The following EYS variants were observed in gnomAD, a reference collection of about 807,000 sequenced individuals.
EYS encodes protein eyes shut homolog.
A neutral mutation model predicts 282.1 loss-of-function variants in EYS; 250 were observed. The observed-to-expected ratio is 0.89, with a 90% CI of 0.80 to 0.98. The LOEUF is 0.98. EYS is among the 50% of genes least tolerant of loss of function. The probability of loss-of-function intolerance (pLI) is 0.00; values close to 1 mark genes in which losing one functional copy is unlikely to be tolerated. For synonymous variants in EYS, 1,355 were observed against 1,282.9 expected (o/e 1.06, Z -1.20); for missense variants, 4,016 against 3,709.0 (o/e 1.08, Z -2.15).
At chr6:64,300,098 G>A (rs530278130) in intron 30 of EYS, among the ~76,000 whole-genome samples, 1 of 152,300 alleles carries the variant, frequency 6.6e-6, no homozygotes, top group African/African-American at 2.4e-5. Context: ...GGAGTTCTTA[G>A]CCTACCTGGT....
At chr6:64,168,832 C>T (rs936973412) in intron 31 of EYS, among the ~76,000 whole-genome samples, 1 of 152,000 alleles carries the variant, frequency 6.6e-6, no homozygotes. Flanking sequence ...GTGATATTTG[C>T]ACAAGGCAGT....
At chr6:65,615,405 T>C (rs1324890287) in intron 2 of EYS, among the ~76,000 whole-genome samples, 1 of 149,384 alleles carries the variant, frequency 6.7e-6, no homozygotes, top group African/African-American at 2.4e-5. Context: ...TATATATGTG[T>C]GTGTATATAT....
intron 22 of EYS, among the ~76,000 whole-genome samples, chr6:64,657,401 T>C (rs7453363): frequency 0.59 from 89,834 of 151,990 alleles, 26,743 homozygotes; most frequent in South Asian, 0.66. Flanking sequence ...GTCATTATGA[T>C]GTTAGCTGGT....
intron 14 of EYS, among the ~76,000 whole-genome samples, chr6:64,976,377 A>T (rs1770475403): frequency 6.6e-6 from 1 of 151,964 alleles, no homozygotes; most frequent in Non-Finnish European, 1.5e-5. Flanking sequence ...CTATTAAAAA[A>T]AAAAACATGA....
At chr6:64,713,783 C>A (rs1354296478) in intron 22 of EYS, among the ~76,000 whole-genome samples, 1 of 152,064 alleles carries the variant, frequency 6.6e-6, no homozygotes, top group Non-Finnish European at 1.5e-5. Context: ...ATAATGTTTT[C>A]TGTGAAATTT....
chr6:65,313,616 A>G (rs1393456610), intron 11 of EYS, among the ~76,000 whole-genome samples: 4 of 151,518 alleles, frequency 2.6e-5, no homozygotes, highest in Admixed American at 2.0e-4. Flanking sequence ...CAAACTACCT[A>G]AATAACAGTC....
chr6:65,441,514 A>G (rs1470863180), intron 5 of EYS, among the ~76,000 whole-genome samples: 1 of 152,030 alleles, frequency 6.6e-6, no homozygotes, highest in East Asian at 1.9e-4. Context: ...AATTCACTAA[A>G]CAGTTAGGTC....
At chr6:65,155,549 A>G (rs1311981252) in intron 12 of EYS, among the ~76,000 whole-genome samples, 1 of 151,530 alleles carries the variant, frequency 6.6e-6, no homozygotes, top group African/African-American at 2.4e-5. Context: ...TGAAATGTAT[A>G]GATTCATTTT....
At chr6:65,391,347 A>G (rs931700255) in intron 7 of EYS, among the ~76,000 whole-genome samples, 15 of 152,164 alleles carry the variant, frequency 9.9e-5, no homozygotes, top group African/African-American at 3.1e-4. Flanking sequence ...CAGAAACTGA[A>G]GTTAAAAACT....
chr6:64,594,927 G>A (rs1362383223), intron 24 of EYS, among the ~76,000 whole-genome samples: 2 of 151,798 alleles, frequency 1.3e-5, no homozygotes, highest in East Asian at 1.9e-4. Flanking sequence ...TGAAGAGGAG[G>A]AAATTCTTCC....
At chr6:65,073,801 T>C (rs1773968931) in intron 12 of EYS, among the ~76,000 whole-genome samples, 1 of 151,996 alleles carries the variant, frequency 6.6e-6, no homozygotes, top group Admixed American at 6.6e-5. Flanking sequence ...TTGAATTTGG[T>C]AGCTCTGGAA....
chr6:64,006,566 A>G (rs572753034), intron 33 of EYS, among the ~76,000 whole-genome samples: 1 of 152,152 alleles, frequency 6.6e-6, no homozygotes, highest in Non-Finnish European at 1.5e-5. Flanking sequence ...TTCTTGTTCT[A>G]GTTCTCAAGG....
intron 32 of EYS, among the ~76,000 whole-genome samples, chr6:64,071,953 G>T (rs961766937): frequency 2.0e-5 from 3 of 151,482 alleles, no homozygotes; most frequent in African/African-American, 7.3e-5. Context: ...AAGGAAGGAA[G>T]AATTCAAAAC....
chr6:63,947,128 GA>G (rs1235155689), intron 35 of EYS, among the ~76,000 whole-genome samples: 15 of 151,916 alleles, frequency 9.9e-5, no homozygotes, highest in Non-Finnish European at 4.4e-5. Flanking sequence ...TACTTTTTAA[GA>G]AAAGTATATT....
intron 32 of EYS, among the ~76,000 whole-genome samples, chr6:64,080,674 GT>G (rs539933244): frequency 6.6e-6 from 1 of 151,968 alleles, no homozygotes; most frequent in African/African-American, 2.4e-5. Context: ...TTCTTCTAGG[GT>G]TTTTATGGTT....
At chr6:64,309,452 T>G (rs79981702) in intron 29 of EYS, among the ~76,000 whole-genome samples, 1 of 152,184 alleles carries the variant, frequency 6.6e-6, no homozygotes, top group Non-Finnish European at 1.5e-5. Flanking sequence ...AAATTCAAAA[T>G]TTCTTCATTT....
At chr6:65,436,645 C>T (rs1312035982) in intron 5 of EYS, among the ~76,000 whole-genome samples, 1 of 152,012 alleles carries the variant, frequency 6.6e-6, no homozygotes, top group Non-Finnish European at 1.5e-5. Context: ...TGTAAATCAA[C>T]ATAGTGACAA....
intron 22 of EYS, among the ~76,000 whole-genome samples, chr6:64,649,509 G>T (rs775714410): frequency 6.6e-6 from 1 of 151,902 alleles, no homozygotes; most frequent in Non-Finnish European, 1.5e-5. Flanking sequence ...CTGGCTAGTA[G>T]TAGAAACTTT....
intron 35 of EYS, among the ~76,000 whole-genome samples, chr6:63,967,023 A>T (rs1174466497): frequency 6.6e-6 from 1 of 152,178 alleles, no homozygotes; most frequent in Non-Finnish European, 1.5e-5. Context: ...TAAGCAGGAG[A>T]TTAACAACAA....
Sources: allele counts gnomAD v4.1 joint callset (sites outside exome capture counted in the v4.1 genomes callset), GRCh38; gene constraint gnomAD v4.1.1; transcripts MANE v1.5; gene names NCBI Gene and HGNC (gene_info 2026-07-23, HGNC 2026-07-21).